The following HAUS2 variants were observed in gnomAD, a reference collection of about 807,000 sequenced individuals.
HAUS2 encodes the protein HAUS augmin like complex subunit 2.
In HAUS2, 20 loss-of-function variants were observed where a neutral mutation model predicts 21.6. That is an observed-to-expected ratio of 0.93 (90% CI 0.65 to 1.35). The LOEUF is 1.35. Among genes scored for constraint, HAUS2 ranks in the 40% most tolerant of loss-of-function variants. The pLI is 0.00. For missense variants in HAUS2, 297 were observed against 280.7 expected, an observed-to-expected ratio of 1.06 and a Z score of -0.42; for synonymous variants, 113 against 95.6, an observed-to-expected ratio of 1.18 and a Z score of -1.06.
chr15:42,559,466 G>A lies in HAUS2; in HGVS notation c.256+58G>A, dbSNP rs371863700. ...AATTTCAACTTTTTCTTGGATTACT[G>A]TAAATAAGCACCAGTCAGTCAAATT... On this transcript the variant is annotated intron_variant, in intron 3 of 5. Transcript: ENST00000260372. The A allele has an allele frequency of 2.8e-3, 2,676 of 950,272 alleles. 7 individuals are homozygous for A. Among genetic ancestry groups the A allele is most frequent in the Non-Finnish European group, 3.9e-3 (2,221 of 576,574 alleles). 58.9% of individuals were successfully genotyped at this position (950,272 alleles called of 1,614,324 possible).
rs367646862 is a variant in HAUS2, at chr15:42,552,085, C to G, written c.93+3120C>G. ...TTGCCCAGGCTGGAGTACAGTGGCA[C>G]AATCTTGGCTCACTGCAACCTCCGC... is the stretch of plus-strand genomic sequence containing the variant. On this transcript the variant is annotated intron_variant, in intron 1 of 5. Coordinates refer to ENST00000260372, the MANE Select transcript of HAUS2 (RefSeq NM_018097.3). Among the ~76,000 whole-genome samples the G allele has an allele frequency of 6.6e-5, 10 of 152,010 alleles. No homozygotes were observed. In the East Asian group the frequency reaches 1.9e-3, roughly 29 times the overall value.
chr15:42,549,350 G>C (rs906633541), intron 1 of HAUS2, among the ~76,000 whole-genome samples: 2 of 152,148 alleles, frequency 1.3e-5, no homozygotes, highest in African/African-American at 4.8e-5. Context: ...AACAACCCTC[G>C]TTTGTGGGAA....
chr15:42,549,533 G>T (rs1004953760), intron 1 of HAUS2, among the ~76,000 whole-genome samples: 3 of 151,686 alleles, frequency 2.0e-5, no homozygotes, highest in Non-Finnish European at 4.4e-5. Flanking sequence ...TGCAACCTCC[G>T]CCTTCCTGGT....
intron 3 of HAUS2, among the ~76,000 whole-genome samples, chr15:42,559,612 G>A (rs781366804): frequency 1.2e-4 from 18 of 152,110 alleles, no homozygotes; most frequent in Non-Finnish European, 2.4e-4. Flanking sequence ...CACCAAATTG[G>A]CTCTTCAAAG....
At chr15:42,558,780 A>T (rs1217899200) in intron 2 of HAUS2, among the ~76,000 whole-genome samples, 1 of 151,952 alleles carries the variant, frequency 6.6e-6, no homozygotes, top group Non-Finnish European at 1.5e-5. Flanking sequence ...CAACACAGGG[A>T]GATCCCGTCT....
chr15:42,559,421 G>A lies in HAUS2; in HGVS notation c.256+13G>A, dbSNP rs1346681721. 2.0e-6 allele frequency: 3 copies of A among 1,509,006 alleles called. No individual in the cohort carries two copies. The East Asian group carries it at 6.8e-5, about 34-fold the overall frequency. 93.5% of individuals were successfully genotyped at this position (1,509,006 alleles called of 1,614,324 possible). A position where few individuals can be genotyped will look rare whatever the true frequency, so the allele number is the denominator to read the frequency against. ...CCTTTCTTTTTGGGTAAGTGGTTTG[G>A]TTAAGTGGATAATCACTGGAATTTC... is the stretch of plus-strand genomic sequence containing the variant. On this transcript the variant is annotated intron_variant, in intron 3 of 5. Transcript: ENST00000260372.
rs1182239200 is a variant in HAUS2 at position 42,567,911 on chromosome 15, G to A, written c.*1095G>A. On this transcript the variant is annotated 3_prime_UTR_variant, in exon 6 of 6. Coordinates refer to ENST00000260372, the MANE Select transcript of HAUS2 (RefSeq NM_018097.3). ...TGTGCCTGTAATCCCAGCTACTCAG[G>A]AGGCTGAGGCAGGAGAATCACTTGA... is the stretch of plus-strand genomic sequence containing the variant. 6.6e-6 allele frequency: 1 copy of A among 152,210 alleles called. No individual in the cohort carries two copies. Among genetic ancestry groups the A allele is most frequent in the Non-Finnish European group, 1.5e-5 (1 of 68,136 alleles). 9.4% of individuals were successfully genotyped at this position (152,210 alleles called of 1,614,324 possible).
Position 42,566,621 on chromosome 15 carries a change from A to G in HAUS2, c.513A>G (p.Ala171=). Residue 171 remains alanine, a synonymous_variant, in exon 6 of 6, where the codon GCA becomes GCG. Coordinates refer to ENST00000260372, the MANE Select transcript of HAUS2 (RefSeq NM_018097.3). ...AAATGTTACAGAACCAGGCTTTAGCAAAGATGGATATATTGGTGACTGAGA... is the reference window on the plus strand; with the variant it reads ...AAATGTTACAGAACCAGGCTTTAGCGAAGATGGATATATTGGTGACTGAGA... The part of the protein sequence containing the change: ...ANLKKMNQAL[A]KMDILVTETE... 6.3e-7 allele frequency: 1 copy of G among 1,589,624 alleles called. No individual in the cohort carries two copies. The highest frequency in any genetic ancestry group is 8.6e-7 in the Non-Finnish European group (1 of 1,157,896).
At chr15:42,562,131 T>A (rs928558436) in intron 4 of HAUS2, among the ~76,000 whole-genome samples, 1 of 152,166 alleles carries the variant, frequency 6.6e-6, no homozygotes, top group African/African-American at 2.4e-5. Flanking sequence ...TGCACTAGCC[T>A]GGGTGACAGA....
intron 5 of HAUS2, among the ~76,000 whole-genome samples, chr15:42,565,037 A>C (rs1228644935): frequency 6.6e-6 from 1 of 152,136 alleles, no homozygotes; most frequent in Non-Finnish European, 1.5e-5. Flanking sequence ...GGGTTTTGCC[A>C]TGTTGGCCAG....
rs2057792787 is a variant in HAUS2, at chr15:42,557,392, TA to T, written c.94-805del. 5.0e-4 allele frequency among the ~76,000 whole-genome samples: 2 copies of T among 3,988 alleles called. 1 individual carries two copies. The highest frequency in any genetic ancestry group is 8.3e-4 in the African/African-American group (2 of 2,418). The allele number at this position is 3,988 out of a possible 152,430, so 2.6% of individuals were successfully genotyped here. On this transcript the variant is annotated intron_variant, in intron 1 of 5. Transcript: ENST00000260372. The stretch of plus-strand genomic sequence containing the variant: ...TATATATTATATATTTTATATATAA[TA>T]TATATTTTATATATACATTATATAA...
At chr15:42,563,534 T>C (rs914961217) in intron 4 of HAUS2, among the ~76,000 whole-genome samples, 5 of 152,194 alleles carry the variant, frequency 3.3e-5, no homozygotes, top group African/African-American at 9.7e-5. Context: ...GTTGTCTCTT[T>C]CCATTTTTTT....
At chr15:42,560,982 A>C in intron 3 of HAUS2, 1 of 596,158 alleles carries the variant, frequency 1.7e-6, no homozygotes, top group Non-Finnish European at 3.0e-6. Flanking sequence ...TCTGGCTATA[A>C]GAACTGAATA....
At position 42,548,891 on chromosome 15, in the gene HAUS2, T is replaced by G; in HGVS notation, c.19T>G (p.Trp7Gly). The G allele has an allele frequency of 6.4e-7, 1 of 1,550,452 alleles. No homozygotes were observed. Among genetic ancestry groups the G allele is most frequent in the Non-Finnish European group, 8.7e-7 (1 of 1,146,768 alleles). ...CCGAGCCATGGCCGCTGCCAACCCG[T>G]GGGACCCGGCGTCCGCGCCTAACGG... MAAANPWDPASAPNGAG... is the reference protein window; with the variant it reads MAAANPGDPASAPNGAG... The change falls in exon 1 of 6, where the codon TGG becomes GGG. Residue 7 changes from tryptophan to glycine, a missense_variant. Coordinates refer to ENST00000260372, the MANE Select transcript of HAUS2 (RefSeq NM_018097.3).
intron 1 of HAUS2, among the ~76,000 whole-genome samples, chr15:42,550,632 A>C (rs1324243587): frequency 6.6e-6 from 1 of 152,148 alleles, no homozygotes; most frequent in African/African-American, 2.4e-5. Context: ...GAGTGACCAC[A>C]GCACTCTACA....
chr15:42,561,599 C>T, intron 4 of HAUS2, 197 bp downstream of exon 4: 1 of 464,928 alleles, frequency 2.2e-6, no homozygotes, highest in South Asian at 4.2e-5. Flanking sequence ...AGAACTTGGC[C>T]ATCGTGTTTT....
At chr15:42,550,997 C>CTTT (rs56371573) in intron 1 of HAUS2, among the ~76,000 whole-genome samples, 180 of 132,818 alleles carry the variant, frequency 1.4e-3, no homozygotes, top group Non-Finnish European at 2.3e-3. Flanking sequence ...CTTTTCTTTT[C>CTTT]TTTTTTTTTT....
Position 42,548,949 on chromosome 15 carries a change from C to T in HAUS2, c.77C>T (p.Ser26Leu). The change falls in exon 1 of 6, where the codon TCG becomes TTG. Residue 26 changes from serine to leucine, a missense_variant. By Grantham distance (145) the Ser-to-Leu change is moderately radical. Transcript: ENST00000260372. ...CTAGTGCTAGGCCACTTCATAGCTT[C>T]GGGGATGGTCAATCAGGTACGTGGG... Reference protein sequence around the residue: ...AGLVLGHFIASGMVNQEMLNM... With the variant: ...AGLVLGHFIALGMVNQEMLNM... 6.5e-7 allele frequency: 1 copy of T among 1,547,552 alleles called. No homozygotes were observed. The highest frequency in any genetic ancestry group is 8.7e-7 in the Non-Finnish European group (1 of 1,143,436).
intron 3 of HAUS2, chr15:42,560,761 G>A (rs1418317876): frequency 1.4e-6 from 1 of 698,792 alleles, no homozygotes; most frequent in Non-Finnish European, 2.6e-6. Flanking sequence ...GCTAATTTTT[G>A]TTTTTTCAAT....
Sources: gnomAD v4.1 joint callset for allele counts (sites outside exome capture counted in the v4.1 genomes callset) on GRCh38, gnomAD v4.1.1 for gene constraint, MANE v1.5 for transcripts, NCBI Gene and HGNC (gene_info 2026-07-23, HGNC 2026-07-21) for gene names.